The following ACTL6A variants were observed in gnomAD, a reference collection of about 807,000 sequenced individuals.
The protein encoded by ACTL6A is actin-like protein 6A.
ACTL6A carries 5 observed loss-of-function variants against 59.2 expected under a neutral mutation model. The observed-to-expected ratio is 0.08, with a 90% confidence interval of 0.04 to 0.18. The LOEUF (loss-of-function observed/expected upper bound fraction) is 0.18, where lower values mean the gene tolerates loss of function less well. Among genes scored for constraint, ACTL6A ranks in the 10% least tolerant of loss-of-function variants. The pLI, the probability that ACTL6A is intolerant of heterozygous loss-of-function variation, is 1.00. For missense variants in ACTL6A, 285 were observed against 526.9 expected, an observed-to-expected ratio of 0.54 and a Z score of 4.49; for synonymous variants, 154 against 171.8, an observed-to-expected ratio of 0.90 and a Z score of 0.81.
At chr3:179,572,276 T>C (rs879469810) in intron 3 of ACTL6A, among the ~76,000 whole-genome samples, 5 of 151,874 alleles carry the variant, frequency 3.3e-5, no homozygotes, top group Non-Finnish European at 7.4e-5. Flanking sequence ...AGAAAAAGTT[T>C]CTGGAAGCAT....
rs1433661469 is a variant in ACTL6A at position 179,588,061 on chromosome 3, C to T, written c.*51C>T. ...CCTTTTGTCACCTTACGTTTCATAG[C>T]TTTAGTATACTCAGGAAAAGAATGA... On this transcript the variant is annotated 3_prime_UTR_variant, in exon 14 of 14. Transcript: ENST00000429709. 5 of 1,328,866 alleles carry T rather than the reference C, an allele frequency of 3.8e-6. No homozygotes were observed. The highest frequency in any genetic ancestry group is 5.2e-6 in the Non-Finnish European group (5 of 961,084). The allele number at this position is 1,328,866 out of a possible 1,614,324, so 82.3% of individuals were successfully genotyped here.
At chr3:179,575,322 T>C in intron 5 of ACTL6A, 1 of 453,524 alleles carries the variant, frequency 2.2e-6, no homozygotes, top group Non-Finnish European at 4.4e-6. Flanking sequence ...TCCCCAGATT[T>C]TACTATTGAA....
chr3:179,574,530 C>A, intron 5 of ACTL6A, 63 bp downstream of exon 5: 1 of 1,182,094 alleles, frequency 8.5e-7, no homozygotes, highest in Non-Finnish European at 1.3e-6. Context: ...AATATGATAA[C>A]TCTGGGAGAA....
At chr3:179,580,514 A>C in intron 8 of ACTL6A, 126 bp from the exon 9 acceptor site, 1 of 648,456 alleles carries the variant, frequency 1.5e-6, no homozygotes, top group Non-Finnish European at 2.6e-6. Context: ...TATACTCTTG[A>C]AATGATTTAC....
chr3:179,576,976 GTT>G, intron 8 of ACTL6A, 63 bp downstream of exon 8: 1 of 1,337,918 alleles, frequency 7.5e-7, no homozygotes, highest in Non-Finnish European at 1.0e-6. Context: ...ATTAAAAAAA[GTT>G]ATATATAGGC....
At chr3:179,586,822 A>C in intron 13 of ACTL6A, 190 bp downstream of exon 13, 1 of 531,260 alleles carries the variant, frequency 1.9e-6, no homozygotes, top group Non-Finnish European at 3.2e-6. Flanking sequence ...ATTAGTGGAC[A>C]TTTGTCAGCC....
intron 5 of ACTL6A, chr3:179,575,309 C>T: frequency 2.2e-6 from 1 of 449,038 alleles, no homozygotes; most frequent in Non-Finnish European, 4.5e-6. Context: ...GCCCATATTC[C>T]CTTCCCCAGA....
chr3:179,577,297 G>C (rs1224553582), intron 8 of ACTL6A, among the ~76,000 whole-genome samples: 2 of 152,092 alleles, frequency 1.3e-5, no homozygotes, highest in Admixed American at 6.5e-5. Flanking sequence ...AGGCCTACTA[G>C]TATGTCTCAG....
Position 179,576,614 on chromosome 3 carries a change from T to C in ACTL6A, c.572-6T>C. The C allele has an allele frequency of 6.2e-7, 1 of 1,607,958 alleles. No homozygotes were observed. The highest frequency in any genetic ancestry group is 1.3e-5 in the African/African-American group (1 of 74,916). On this transcript the variant is annotated splice_region_variant and splice_polypyrimidine_tract_variant and intron_variant, in intron 6 of 13. Coordinates refer to ENST00000429709, the MANE Select transcript of ACTL6A (RefSeq NM_004301.5). ...CCCTCTTAGCCTTGTTTCATCTGTT[T>C]CATAGGCATTGTGAAATCCCCTCTT... is the stretch of plus-strand genomic sequence containing the variant.
rs893738128 is a variant in ACTL6A, at chr3:179,563,388, C to G, written c.25+271C>G. On this transcript the variant is annotated intron_variant, in intron 1 of 13. Coordinates refer to ENST00000429709, the MANE Select transcript of ACTL6A (RefSeq NM_004301.5). ...AGGGTTTTGGGGTGCGCGCTCGGTT[C>G]TCTAGGGAGCCTCGGGGCTGGGCGG... Among the ~76,000 whole-genome samples the G allele has an allele frequency of 6.6e-5, 10 of 152,196 alleles. No homozygotes were observed. In the South Asian group the frequency reaches 8.3e-4, roughly 13 times the overall value.
In ACTL6A at chr3:179,566,624, C is replaced by T. The variant is rs533851054; in HGVS notation, c.26-3200C>T. 2.0e-5 allele frequency among the ~76,000 whole-genome samples: 3 copies of T among 152,200 alleles called. No individual in the cohort carries two copies. The South Asian group carries it at 6.2e-4, about 32-fold the overall frequency. On this transcript the variant is annotated intron_variant, in intron 1 of 13. Transcript: ENST00000429709. ...TCTGTGTGTAGATGGCCATCTCCTCCTCTGTCTTCACATGGCCGTCCCTCT... is the reference window on the plus strand; with the variant it reads ...TCTGTGTGTAGATGGCCATCTCCTCTTCTGTCTTCACATGGCCGTCCCTCT...
At position 179,570,832 on chromosome 3, in the gene ACTL6A, G is replaced by T. The variant is rs1379144683; in HGVS notation, c.277+591G>T. Among the ~76,000 whole-genome samples, 1 of 152,112 alleles carries T rather than the reference G, an allele frequency of 6.6e-6. No individual in the cohort carries two copies. Among genetic ancestry groups the T allele is most frequent in the Non-Finnish European group, 1.5e-5 (1 of 68,022 alleles). Reference sequence around the variant, plus strand: ...TAAAAGGGCTTGTAAACCATCCCAGGGTTGTATTAAGCTAGTGACTGAAGG... The same window carrying T: ...TAAAAGGGCTTGTAAACCATCCCAGTGTTGTATTAAGCTAGTGACTGAAGG... On this transcript the variant is annotated intron_variant, in intron 3 of 13. Transcript: ENST00000429709. This position sits in a 1 kb window ranked among gnomAD's most constrained non-coding sequence, Gnocchi z 4.3.
At chr3:179,579,497 A>G (rs1173203542) in intron 8 of ACTL6A, among the ~76,000 whole-genome samples, 3 of 129,618 alleles carry the variant, frequency 2.3e-5, no homozygotes, top group Admixed American at 2.2e-4. Flanking sequence ...CACATTTTAA[A>G]GACAGGGTTG....
intron 3 of ACTL6A, chr3:179,573,132 TAG>T: frequency 2.9e-6 from 1 of 341,116 alleles, no homozygotes; most frequent in East Asian, 4.7e-5. Context: ...TTAGGTCTGT[TAG>T]ATTAATTACA....
intron 8 of ACTL6A, among the ~76,000 whole-genome samples, chr3:179,578,099 T>C (rs1718224713): frequency 6.6e-6 from 1 of 152,010 alleles, no homozygotes; most frequent in Non-Finnish European, 1.5e-5. Context: ...TCCCTTGAGC[T>C]CAGGAGTTAG....
In ACTL6A at chr3:179,570,280, C is replaced by A; in HGVS notation, c.277+39C>A. ...CCCATGGAATTGATTATGGAGTGTA[C>A]ATGTTATATTTTAGATACAAAGTAG... On this transcript the variant is annotated intron_variant, in intron 3 of 13. Transcript: ENST00000429709. This position sits in a 1 kb window ranked among gnomAD's most constrained non-coding sequence, Gnocchi z 4.3. 6.6e-7 allele frequency: 1 copy of A among 1,514,294 alleles called. No homozygotes were observed. The highest frequency in any genetic ancestry group is 2.3e-5 in the East Asian group (1 of 42,796). 93.8% of individuals were successfully genotyped at this position (1,514,294 alleles called of 1,614,324 possible).
Position 179,576,708 on chromosome 3 carries a change from A to G in ACTL6A, c.660A>G (p.Pro220=), listed in dbSNP as rs778963657. The change falls in exon 7 of 14, where the codon CCA becomes CCG. Residue 220 remains proline (P), a synonymous_variant. Transcript: ENST00000429709. ...FQEMNIELVP[P]YMIASKEAVR... is the part of the protein sequence containing the mutation. ...AAATGAATATTGAATTGGTTCCTCCATATATGATTGCATCAAAAGTAAGTA... is the reference window on the plus strand; with the variant it reads ...AAATGAATATTGAATTGGTTCCTCCGTATATGATTGCATCAAAAGTAAGTA... 2.2e-5 allele frequency: 35 copies of G among 1,613,350 alleles called. No homozygotes were observed. The East Asian group carries it at 2.5e-4, about 11-fold the overall frequency.
At chr3:179,564,718 A>G (rs1484029021) in intron 1 of ACTL6A, among the ~76,000 whole-genome samples, 3 of 152,160 alleles carry the variant, frequency 2.0e-5, no homozygotes, top group African/African-American at 7.2e-5. Flanking sequence ...GATTTTTTCT[A>G]TTTCACAAAA....
At chr3:179,582,898 T>A (rs1718376414) in intron 11 of ACTL6A, among the ~76,000 whole-genome samples, 1 of 152,220 alleles carries the variant, frequency 6.6e-6, no homozygotes, top group South Asian at 2.1e-4. Flanking sequence ...CTTAAAACTT[T>A]GTACACATTA....
Sources: allele counts gnomAD v4.1 joint callset (sites outside exome capture counted in the v4.1 genomes callset), GRCh38; gene constraint gnomAD v4.1.1; non-coding constraint Gnocchi (gnomAD v3.1); transcripts MANE v1.5; gene names NCBI Gene and HGNC (gene_info 2026-07-23, HGNC 2026-07-21).